Variants in CNTN3 observed in about 807,000 individuals in gnomAD.
CNTN3 encodes contactin 3, also known as contactin-3.
CNTN3 carries 60 observed loss-of-function variants against 119.1 expected under a neutral mutation model. The ratio of observed to expected loss-of-function variants is 0.50; its 90% CI spans 0.41 to 0.62. The LOEUF (loss-of-function observed/expected upper bound fraction) is 0.62. Ranked by LOEUF, CNTN3 falls within the 20% of genes least tolerant of loss-of-function variation. The pLI, the probability that CNTN3 is intolerant of heterozygous loss-of-function variation, is 0.00. For synonymous variants in CNTN3, 450 were observed against 438.7 expected (o/e 1.03, Z -0.32); for missense variants, 1,101 against 1,242.4 (o/e 0.89, Z 1.71).
At chr3:74,514,280 G>A (rs1432242268) in intron 2 of CNTN3, among the ~76,000 whole-genome samples, 1 of 152,076 alleles carries the variant, frequency 6.6e-6, no homozygotes, top group Non-Finnish European at 1.5e-5. Flanking sequence ...TAAAAAGGAT[G>A]TTGAATAATC....
At chr3:74,344,865 G>T (rs929810873) in intron 11 of CNTN3, among the ~76,000 whole-genome samples, 5 of 135,056 alleles carry the variant, frequency 3.7e-5, no homozygotes, top group African/African-American at 1.8e-4. Context: ...ATATGTATAC[G>T]TATACACACA....
At chr3:74,350,160 T>C (rs1189908943) in intron 11 of CNTN3, among the ~76,000 whole-genome samples, 3 of 152,166 alleles carry the variant, frequency 2.0e-5, no homozygotes, top group Admixed American at 2.0e-4. Context: ...CTTAAGAAGG[T>C]TGAAATAATG....
chr3:74,534,385 T>C (rs184021352), intron 1 of CNTN3, among the ~76,000 whole-genome samples: 214 of 152,202 alleles, frequency 1.4e-3, no homozygotes, highest in African/African-American at 4.8e-3. Context: ...ACAGGTTTTA[T>C]GTAATTTGCT....
chr3:74,386,247 T>A (rs1276343898), intron 5 of CNTN3, among the ~76,000 whole-genome samples: 1 of 152,186 alleles, frequency 6.6e-6, no homozygotes, highest in Admixed American at 6.5e-5. Context: ...GTGTTTAAGA[T>A]CTCTTCTAAT....
chr3:74,411,214 G>GT (rs1176760095), intron 5 of CNTN3, among the ~76,000 whole-genome samples: 2 of 78,674 alleles, frequency 2.5e-5, no homozygotes, highest in African/African-American at 7.2e-5. Flanking sequence ...TTTAAAATAG[G>GT]TAAAAAAAAA....
At chr3:74,583,494 A>G (rs949359414) in intron 1 of CNTN3, among the ~76,000 whole-genome samples, 2 of 152,166 alleles carry the variant, frequency 1.3e-5, no homozygotes, top group African/African-American at 4.8e-5. Flanking sequence ...TTCCATTTAC[A>G]TGAAGTGTGA....
At chr3:74,482,258 T>C (rs1702776353) in intron 4 of CNTN3, among the ~76,000 whole-genome samples, 2 of 151,978 alleles carry the variant, frequency 1.3e-5, no homozygotes, top group Non-Finnish European at 2.9e-5. Context: ...AGTATTTTTT[T>C]AAAACTGCAT....
Position 74,471,555 on chromosome 3 carries a change from T to C in CNTN3, c.358+14901A>G, listed in dbSNP as rs191591211. 7.4e-4 allele frequency among the ~76,000 whole-genome samples: 113 copies of C among 152,286 alleles called. 1 individual carries two copies. Among genetic ancestry groups the C allele is most frequent in the Non-Finnish European group, 1.5e-3 (100 of 68,022 alleles). On this transcript the variant is annotated intron_variant, in intron 4 of 22. Transcript: ENST00000263665. The stretch of plus-strand genomic sequence containing the variant: ...AGAACACCTAGCGTTATCTTATACA[T>C]CAAAATATGCCACTGTTTATGGGCC...
chr3:74,409,462 A>G (rs1022373889), intron 5 of CNTN3, among the ~76,000 whole-genome samples: 1 of 78,268 alleles, frequency 1.3e-5, no homozygotes, highest in African/African-American at 3.8e-5. Flanking sequence ...TGCCTGATCC[A>G]TGAATCATTT....
At chr3:74,423,039 A>G (rs1271886250) in intron 5 of CNTN3, among the ~76,000 whole-genome samples, 1 of 152,204 alleles carries the variant, frequency 6.6e-6, no homozygotes, top group Non-Finnish European at 1.5e-5. Context: ...TAGAGCTGTC[A>G]GAGGTCACCT....
intron 1 of CNTN3, among the ~76,000 whole-genome samples, chr3:74,547,725 G>C (rs1385573158): frequency 6.6e-6 from 1 of 152,042 alleles, no homozygotes; most frequent in African/African-American, 2.4e-5. Flanking sequence ...TTAATTCTCT[G>C]GCTGTTATGT....
intron 1 of CNTN3, among the ~76,000 whole-genome samples, chr3:74,539,356 C>T (rs890401665): frequency 2.0e-5 from 3 of 152,014 alleles, no homozygotes; most frequent in African/African-American, 7.2e-5. Flanking sequence ...ATCTTGTGCC[C>T]ATTGATGAGG....
At chr3:74,361,569 C>T (rs547868260) in intron 11 of CNTN3, among the ~76,000 whole-genome samples, 31 of 152,278 alleles carry the variant, frequency 2.0e-4, no homozygotes, top group African/African-American at 7.2e-4. Flanking sequence ...CTTCTTTGTC[C>T]TGGGATGTGG....
chr3:74,381,801 G>A (rs1287583246), intron 5 of CNTN3, among the ~76,000 whole-genome samples: 1 of 152,004 alleles, frequency 6.6e-6, no homozygotes, highest in Admixed American at 6.6e-5. Context: ...CTAAAAAAAA[G>A]CCCTCCTGAT....
intron 3 of CNTN3, among the ~76,000 whole-genome samples, chr3:74,488,432 T>C (rs546569673): frequency 6.6e-6 from 1 of 152,280 alleles, no homozygotes; most frequent in South Asian, 2.1e-4. Flanking sequence ...AACTTTAAGG[T>C]ATTTTAAAGC....
rs149120490 is a variant in CNTN3, at chr3:74,446,134, A to G, written c.359-21194T>C. Among the ~76,000 whole-genome samples the G allele has an allele frequency of 5.7e-3, 867 of 152,260 alleles. 10 individuals carry two copies. Among genetic ancestry groups the G allele is most frequent in the African/African-American group, 0.019 (799 of 41,554 alleles). On this transcript the variant is annotated intron_variant, in intron 4 of 22. Coordinates refer to ENST00000263665, the MANE Select transcript of CNTN3 (RefSeq NM_020872.3). ...CCTTGAGTCCATGATCTGATGCTTA[A>G]TAGTTGTGTAACTCTGGACCAGTTG... is the stretch of plus-strand genomic sequence containing the variant.
At chr3:74,489,039 T>C (rs897768791) in intron 3 of CNTN3, among the ~76,000 whole-genome samples, 2 of 152,058 alleles carry the variant, frequency 1.3e-5, no homozygotes, top group African/African-American at 4.8e-5. Flanking sequence ...TCTTATTCCA[T>C]CCCAAGTCCT....
At position 74,301,747 on chromosome 3, in the gene CNTN3, T is replaced by G; in HGVS notation, c.1845A>C (p.Gln615His). The G allele has an allele frequency of 6.2e-7, 1 of 1,614,008 alleles. No individual in the cohort carries two copies. Among genetic ancestry groups the G allele is most frequent in the Non-Finnish European group, 8.5e-7 (1 of 1,179,946 alleles). Residue 615 changes from glutamine (Q) to histidine (H), a missense_variant, in exon 15 of 23, where the codon CAA (glutamine) becomes CAC (histidine). Coordinates refer to ENST00000263665, the MANE Select transcript of CNTN3 (RefSeq NM_020872.3). The part of the protein sequence containing the change: ...KVDEITDTTA[Q>H]LSWKEGKDNH... ...TGTCTTTACCTTCTTTCCAAGAGAG[T>G]TGGGCTGTTGTGTCTGTAATTTCAT...
At chr3:74,553,357 C>T (rs7432297) in intron 1 of CNTN3, among the ~76,000 whole-genome samples, 129,868 of 152,166 alleles carry the variant, frequency 0.85, 56,374 homozygotes, top group East Asian at 0.93. Context: ...TGGGTTGGGT[C>T]CAAGTCTTTG....
Sources: allele counts gnomAD v4.1 joint callset (sites outside exome capture counted in the v4.1 genomes callset), GRCh38; gene constraint gnomAD v4.1.1; transcripts MANE v1.5; gene names NCBI Gene and HGNC (gene_info 2026-07-23, HGNC 2026-07-21).